CUX2: variants seen among roughly 807,000 people sequenced by gnomAD.
CUX2 encodes the protein cut like homeobox 2.
CUX2 carries 40 observed loss-of-function variants against 144.8 expected under a neutral mutation model. The ratio of observed to expected loss-of-function variants is 0.28; its 90% CI spans 0.21 to 0.36. The LOEUF is 0.36. Ranked by LOEUF, CUX2 falls within the 10% of genes least tolerant of loss-of-function variation. The pLI is 1.00. For missense variants in CUX2, 1,615 were observed against 1,994.0 expected, an observed-to-expected ratio of 0.81 and a Z score of 3.62; for synonymous variants, 827 against 875.6, an observed-to-expected ratio of 0.94 and a Z score of 0.98.
chr12:111,183,995 C>T (rs977956056), intron 1 of CUX2, among the ~76,000 whole-genome samples: 19 of 152,274 alleles, frequency 1.2e-4, no homozygotes, highest in South Asian at 2.1e-4. Flanking sequence ...TTCAATCGTC[C>T]GTATCCTCTG....
intron 4 of CUX2, among the ~76,000 whole-genome samples, chr12:111,275,442 C>T (rs1392122621): frequency 6.6e-6 from 1 of 152,162 alleles, no homozygotes; most frequent in African/African-American, 2.4e-5. Flanking sequence ...AAATGAAGTC[C>T]CGCTCACACC....
At position 111,255,600 on chromosome 12, in the gene CUX2, A is replaced by C. The variant is rs1883778482; in HGVS notation, c.223-8161A>C. The stretch of plus-strand genomic sequence containing the variant: ...GCTGAGAAGCATGGGCTTTGCTGTC[A>C]GACTAAGCTGCCTCTGAGTCTCAGC... On this transcript the variant is annotated intron_variant, in intron 3 of 21. Coordinates refer to ENST00000261726, the MANE Select transcript of CUX2 (RefSeq NM_015267.4). This position sits in a 1 kb window ranked among gnomAD's most constrained non-coding sequence, Gnocchi z 4.1. Among the ~76,000 whole-genome samples, 1 of 152,184 alleles carries C rather than the reference A, an allele frequency of 6.6e-6. No individual in the cohort carries two copies. Among genetic ancestry groups the C allele is most frequent in the African/African-American group, 2.4e-5 (1 of 41,444 alleles).
At chr12:111,052,444 T>C (rs11832477) in intron 1 of CUX2, among the ~76,000 whole-genome samples, 13,378 of 151,922 alleles carry the variant, frequency 0.088, 1,965 homozygotes, top group African/African-American at 0.31. Context: ...ATCAGTCAAA[T>C]GAACAAACAG....
chr12:111,274,009 G>T (rs1261044366), intron 4 of CUX2, among the ~76,000 whole-genome samples: 1 of 152,168 alleles, frequency 6.6e-6, no homozygotes, highest in Non-Finnish European at 1.5e-5. Context: ...CACCACCCCT[G>T]CCCTCCTGGA....
At chr12:111,141,812 CA>C (rs1413629110) in intron 1 of CUX2, among the ~76,000 whole-genome samples, 1 of 152,202 alleles carries the variant, frequency 6.6e-6, no homozygotes, top group Non-Finnish European at 1.5e-5. Flanking sequence ...CTAGGCTGGG[CA>C]GTGGCTCACG....
chr12:111,211,458 T>C (rs972185544), intron 1 of CUX2, among the ~76,000 whole-genome samples: 4 of 152,174 alleles, frequency 2.6e-5, no homozygotes, highest in African/African-American at 9.7e-5. Flanking sequence ...ATCAGGTGGT[T>C]GGACTTATCC....
chr12:111,137,514 T>TATTTAA (rs1173740939), intron 1 of CUX2, among the ~76,000 whole-genome samples: 43 of 152,228 alleles, frequency 2.8e-4, no homozygotes, highest in African/African-American at 1.0e-3. Flanking sequence ...TTTATTTACT[T>TATTTAA]ATTTAAATTT....
In CUX2 at chr12:111,287,250, T is replaced by G. The variant is rs1448188686; in HGVS notation, c.302-4168T>G. Among the ~76,000 whole-genome samples the G allele has an allele frequency of 6.6e-6, 1 of 152,242 alleles. No individual in the cohort carries two copies. Among genetic ancestry groups the G allele is most frequent in the Non-Finnish European group, 1.5e-5 (1 of 68,042 alleles). ...TCCTTTATCACCAAGTATAGTCGTT[T>G]GGCTCAATGGGCTCATGGCCAGCAG... On this transcript the variant is annotated intron_variant, in intron 4 of 21. Coordinates refer to ENST00000261726, the MANE Select transcript of CUX2 (RefSeq NM_015267.4). The surrounding 1 kb of genome is among the most constrained non-coding windows in gnomAD (Gnocchi z 4.2).
intron 1 of CUX2, among the ~76,000 whole-genome samples, chr12:111,064,556 T>A (rs191781693): frequency 6.6e-6 from 1 of 152,346 alleles, no homozygotes; most frequent in Admixed American, 6.5e-5. Flanking sequence ...GCTATGGATC[T>A]TCTTTTTAGA....
intron 3 of CUX2, among the ~76,000 whole-genome samples, chr12:111,239,669 C>A (rs1367217711): frequency 6.6e-6 from 1 of 151,884 alleles, no homozygotes; most frequent in Non-Finnish European, 1.5e-5. Flanking sequence ...CCCTTTTTTT[C>A]CCATCTTGTT....
Position 111,269,791 on chromosome 12 carries a change from C to T in CUX2, c.301+5952C>T, listed in dbSNP as rs559786854. Among the ~76,000 whole-genome samples the T allele has an allele frequency of 9.0e-4, 137 of 152,222 alleles. 1 individual carries two copies. The highest frequency in any genetic ancestry group is 8.8e-3 in the Admixed American group (135 of 15,294). ...CTTCTGGAAGGTCCATATACCCTCT[C>T]TCCTCTTTCCCCAAAGCCCGGGAGC... On this transcript the variant is annotated intron_variant, in intron 4 of 21. Coordinates refer to ENST00000261726, the MANE Select transcript of CUX2 (RefSeq NM_015267.4).
At chr12:111,247,242 T>C (rs1246279065) in intron 3 of CUX2, among the ~76,000 whole-genome samples, 1 of 152,130 alleles carries the variant, frequency 6.6e-6, no homozygotes, top group Non-Finnish European at 1.5e-5. Context: ...CCGGCTAGAC[T>C]GGGCTGGGAT....
rs975724445 is a variant in CUX2, at chr12:111,267,113, G to T, written c.301+3274G>T. 2.7e-5 allele frequency among the ~76,000 whole-genome samples: 4 copies of T among 149,924 alleles called. No homozygotes were observed. The South Asian group carries it at 8.5e-4, about 32-fold the overall frequency. On this transcript the variant is annotated intron_variant, in intron 4 of 21. Transcript: ENST00000261726. Reference sequence around the variant, plus strand: ...CTTGGGAAGCTGTGGTGGGAGAATTGCTTGAACCCAGGAGGTGGAGGTTGC... The same window carrying T: ...CTTGGGAAGCTGTGGTGGGAGAATTTCTTGAACCCAGGAGGTGGAGGTTGC...
intron 1 of CUX2, among the ~76,000 whole-genome samples, chr12:111,038,997 A>G (rs144481247): frequency 2.6e-5 from 4 of 151,832 alleles, no homozygotes; most frequent in East Asian, 1.9e-4. Flanking sequence ...AGAGGATTCT[A>G]TCTTCGAACT....
In CUX2 at chr12:111,287,854, C is replaced by T. The variant is rs1381725211; in HGVS notation, c.302-3564C>T. ...TGAAGGCCCCATGTACAGGCATTGC[C>T]CCGTTTCTTCCATCAGCAGATCTTT... On this transcript the variant is annotated intron_variant, in intron 4 of 21. Coordinates refer to ENST00000261726, the MANE Select transcript of CUX2 (RefSeq NM_015267.4). The surrounding 1 kb of genome is among the most constrained non-coding windows in gnomAD (Gnocchi z 4.2). Among the ~76,000 whole-genome samples, 1 of 152,224 alleles carries T rather than the reference C, an allele frequency of 6.6e-6. No homozygotes were observed. The highest frequency in any genetic ancestry group is 1.5e-5 in the Non-Finnish European group (1 of 68,050).
At chr12:111,195,937 G>T (rs1403653758) in intron 1 of CUX2, among the ~76,000 whole-genome samples, 1 of 152,046 alleles carries the variant, frequency 6.6e-6, no homozygotes, top group Non-Finnish European at 1.5e-5. Flanking sequence ...TTATGGAGTT[G>T]TACAACCATC....
intron 3 of CUX2, among the ~76,000 whole-genome samples, chr12:111,236,944 T>C (rs1396220697): frequency 6.6e-6 from 1 of 151,810 alleles, no homozygotes; most frequent in South Asian, 2.1e-4. Context: ...AGTCCAGGAG[T>C]TTGAGACCAG....
chr12:111,231,049 C>T (rs1332876863), intron 3 of CUX2, among the ~76,000 whole-genome samples: 2 of 152,086 alleles, frequency 1.3e-5, no homozygotes, highest in East Asian at 1.9e-4. Flanking sequence ...GTAAAATACA[C>T]GTAACATAAA....
intron 1 of CUX2, among the ~76,000 whole-genome samples, chr12:111,116,414 T>C (rs1020273587): frequency 6.6e-6 from 1 of 152,234 alleles, no homozygotes; most frequent in Admixed American, 6.5e-5. Context: ...ATTGTGTTGT[T>C]AACTAATTGG....
Sources: allele counts gnomAD v4.1 joint callset (sites outside exome capture counted in the v4.1 genomes callset), GRCh38; gene constraint gnomAD v4.1.1; non-coding constraint Gnocchi (gnomAD v3.1); transcripts MANE v1.5; gene names NCBI Gene and HGNC (gene_info 2026-07-23, HGNC 2026-07-21).